The following CP variants were observed in gnomAD, a reference collection of about 807,000 sequenced individuals.
The protein encoded by CP is ceruloplasmin.
CP carries 64 observed loss-of-function variants against 122.4 expected under a neutral mutation model. That is an observed-to-expected ratio of 0.52 (90% CI 0.43 to 0.64). The LOEUF is 0.64. Among genes scored for constraint, CP ranks in the 30% least tolerant of loss-of-function variants. The pLI, the probability that CP is intolerant of heterozygous loss-of-function variation, is 0.00. For synonymous variants in CP, 440 were observed against 436.4 expected (o/e 1.01, Z -0.10); for missense variants, 1,167 against 1,284.4 (o/e 0.91, Z 1.40).
intron 6 of CP, among the ~76,000 whole-genome samples, chr3:149,205,630 TAA>T (rs1727659124): frequency 6.6e-6 from 1 of 152,052 alleles, no homozygotes; most frequent in African/African-American, 2.4e-5. Context: ...CTAAGTGATA[TAA>T]AAGACACAAA....
intron 5 of CP, chr3:149,162,916 C>A: frequency 6.7e-7 from 1 of 1,487,540 alleles, no homozygotes; most frequent in Non-Finnish European, 9.4e-7. Flanking sequence ...TTAACTCATG[C>A]ATTGCCCATT....
intron 6 of CP, 150 bp downstream of exon 6, chr3:149,206,018 T>C (rs1340530235): frequency 5.5e-6 from 4 of 733,344 alleles, no homozygotes; most frequent in African/African-American, 5.3e-5. Context: ...AAGCTCAGAC[T>C]CTTACATCAA....
chr3:149,185,751 T>TC (rs1266907199), intron 11 of CP, among the ~76,000 whole-genome samples: 2 of 152,202 alleles, frequency 1.3e-5, no homozygotes, highest in East Asian at 3.8e-4. Context: ...CTTGACCCTT[T>TC]CCCCTCTCAG....
In CP at chr3:149,178,608, G is replaced by A; in HGVS notation, c.2685C>T (p.Gly895=). 6.2e-7 allele frequency: 1 copy of A among 1,612,190 alleles called. No individual in the cohort carries two copies. The highest frequency in any genetic ancestry group is 1.1e-5 in the South Asian group (1 of 90,994). ...QVKDLYSGLI[G]PLIVCRRPYL... ...AAGGTCTTCGACAAACAATCAGGGGGCCAATTAATCCACTGTAGAGGTCCT... is the reference window on the plus strand; with the variant it reads ...AAGGTCTTCGACAAACAATCAGGGGACCAATTAATCCACTGTAGAGGTCCT... Residue 895 remains glycine, a synonymous_variant, in exon 16 of 19, where the codon GGC becomes GGT. Transcript: ENST00000264613.
rs1361412247 is a variant in CP at position 149,217,026 on chromosome 3, G to T, written c.147-4328C>A. ...AGCAACTCTCCTGCCTTGGCCTCCTGAGTAGCTGGGACTACAGGCGCACGC... is the reference window on the plus strand; with the variant it reads ...AGCAACTCTCCTGCCTTGGCCTCCTTAGTAGCTGGGACTACAGGCGCACGC... On this transcript the variant is annotated intron_variant, in intron 1 of 18. Coordinates refer to ENST00000264613, the MANE Select transcript of CP (RefSeq NM_000096.4). 1.1e-4 allele frequency among the ~76,000 whole-genome samples: 16 copies of T among 150,700 alleles called. No homozygotes were observed. The Admixed American group carries it at 1.1e-3, about 10-fold the overall frequency.
chr3:149,184,028 CTTTTTTTTTT>C (rs869206210), intron 12 of CP, among the ~76,000 whole-genome samples: 3 of 63,620 alleles, frequency 4.7e-5, no homozygotes, highest in Non-Finnish European at 8.6e-5. Flanking sequence ...TCACTTACTT[CTTTTTTTTTT>C]TTTTTTTTTT....
At chr3:149,207,659 G>A (rs1559956546) in intron 4 of CP, 42 bp from the exon 5 acceptor site, 3 of 1,605,630 alleles carry the variant, frequency 1.9e-6, no homozygotes, top group East Asian at 4.5e-5. Flanking sequence ...AGTCATTAAT[G>A]CTTGAGATAG....
At chr3:149,197,783 C>A (rs981972192) in intron 9 of CP, among the ~76,000 whole-genome samples, 1 of 152,112 alleles carries the variant, frequency 6.6e-6, no homozygotes, top group Non-Finnish European at 1.5e-5. Context: ...AGGATTTGCG[C>A]TCGTATGAGA....
chr3:149,215,533 A>G (rs1000891658), intron 1 of CP, among the ~76,000 whole-genome samples: 7 of 152,208 alleles, frequency 4.6e-5, no homozygotes, highest in Non-Finnish European at 1.0e-4. Flanking sequence ...TTTTATTGTG[A>G]AAAAAACTGT....
Position 149,209,375 on chromosome 3 carries a change from T to G in CP, c.617A>C (p.Asp206Ala). 6.2e-7 allele frequency: 1 copy of G among 1,613,334 alleles called. No individual in the cohort carries two copies. The highest frequency in any genetic ancestry group is 1.7e-5 in the Admixed American group (1 of 59,976). The change falls in exon 4 of 19, where the codon GAT becomes GCT. Residue 206 changes from aspartate (D) to alanine (A), a missense_variant. Asp to Ala is a moderately radical substitution (Grantham distance 126, BLOSUM62 -2). This residue lies in a region of CP where 642 missense variants were observed against 627.3 expected (regional missense o/e 1.02). Transcript: ENST00000264613. ...PLIICKKDSL[D>A]KEKEKHIDRE... ...GTCAATATGTTTTTCTTTTTCTTTATCTAGAGAATCTGGAGTTAAAGTTAC... is the reference window on the plus strand; with the variant it reads ...GTCAATATGTTTTTCTTTTTCTTTAGCTAGAGAATCTGGAGTTAAAGTTAC...
rs1254655791 is a variant in CP at position 149,210,339 on chromosome 3, T to G, written c.435A>C (p.Ala145=). 1 of 1,614,122 alleles carries G rather than the reference T, an allele frequency of 6.2e-7. No individual in the cohort carries two copies. Reference sequence around the variant, plus strand: ...GCTCTCCTGGATATACTTTGTCATCTGCTCTTTGAAAATCTGTGGTGTTAT... The same window carrying G: ...GCTCTCCTGGATATACTTTGTCATCGGCTCTTTGAAAATCTGTGGTGTTAT... The part of the protein sequence containing the change: ...YPDNTTDFQR[A]DDKVYPGEQY... Residue 145 remains alanine, a synonymous_variant, in exon 3 of 19, where the codon GCA becomes GCC. Coordinates refer to ENST00000264613, the MANE Select transcript of CP (RefSeq NM_000096.4).
chr3:149,163,760 A>G, intron 5 of CP: 1 of 781,362 alleles, frequency 1.3e-6, no homozygotes, highest in South Asian at 1.4e-5. Context: ...CAGAGAATTA[A>G]TGATTGCTTT....
intron 5 of CP, among the ~76,000 whole-genome samples, chr3:149,165,019 A>G (rs1399045349): frequency 6.6e-6 from 1 of 152,204 alleles, no homozygotes; most frequent in East Asian, 1.9e-4. Flanking sequence ...CTCAGCCTTC[A>G]GGTGGGGCTG....
At chr3:149,186,427 G>T in intron 11 of CP, 93 bp downstream of exon 11, 1 of 1,210,706 alleles carries the variant, frequency 8.3e-7, no homozygotes, top group Non-Finnish European at 1.2e-6. Flanking sequence ...TTGGGGAAGG[G>T]ATAAGTTTAT....
chr3:149,186,812 C>T, intron 10 of CP, 80 bp from the exon 11 acceptor site: 2 of 1,391,086 alleles, frequency 1.4e-6, no homozygotes, highest in African/African-American at 1.4e-5. Flanking sequence ...CCAGGACCAA[C>T]TTTGTTTTTT....
intron 1 of CP, among the ~76,000 whole-genome samples, chr3:149,218,165 C>A (rs1270351158): frequency 1.3e-5 from 2 of 152,174 alleles, no homozygotes; most frequent in Non-Finnish European, 2.9e-5. Context: ...AAAAAGTAAT[C>A]TGAAGATAAG....
At chr3:149,179,425 G>T in intron 15 of CP, 131 bp downstream of exon 15, 1 of 737,460 alleles carries the variant, frequency 1.4e-6, no homozygotes. Flanking sequence ...AGTTGCTAAA[G>T]TAGATTGCAA....
intron 5 of CP, chr3:149,163,773 T>A: frequency 1.2e-6 from 1 of 838,660 alleles, no homozygotes; most frequent in African/African-American, 1.7e-5. Flanking sequence ...ATTGCTTTGC[T>A]CTTTGTGGAA....
intron 14 of CP, among the ~76,000 whole-genome samples, chr3:149,180,753 C>T (rs975407817): frequency 2.6e-5 from 4 of 152,182 alleles, no homozygotes; most frequent in African/African-American, 9.7e-5. Context: ...ATATTACTGT[C>T]TGGCCATCTC....
Sources: gnomAD v4.1 joint callset for allele counts (sites outside exome capture counted in the v4.1 genomes callset) on GRCh38, gnomAD v4.1.1 for gene constraint, gnomAD v4.1.1 regional missense constraint, MANE v1.5 for transcripts, NCBI Gene and HGNC (gene_info 2026-07-23, HGNC 2026-07-21) for gene names.